The following MRE11 variants were observed in gnomAD, a reference collection of about 807,000 sequenced individuals.
The protein encoded by MRE11 is MRE11 double strand break repair nuclease.
MRE11 carries 62 observed loss-of-function variants against 91.7 expected under a neutral mutation model. The ratio of observed to expected loss-of-function variants is 0.68; its 90% CI spans 0.55 to 0.84. The LOEUF (loss-of-function observed/expected upper bound fraction) is 0.84. MRE11 is among the 40% of genes least tolerant of loss of function. MRE11 has a pLI of 0.00. For missense variants in MRE11, 796 were observed against 852.9 expected (o/e 0.93, Z 0.83); for synonymous variants, 273 against 271.4 (o/e 1.01, Z -0.06).
At chr11:94,461,986 A>G (rs1946431179) in intron 11 of MRE11, among the ~76,000 whole-genome samples, 5 of 152,108 alleles carry the variant, frequency 3.3e-5, no homozygotes, top group Admixed American at 2.6e-4. Flanking sequence ...GAGGCAGGAG[A>G]ATGGCGTGAA....
intron 6 of MRE11, 98 bp downstream of exon 6, chr11:94,478,637 G>C: frequency 7.2e-7 from 1 of 1,381,706 alleles, no homozygotes; most frequent in South Asian, 1.2e-5. Flanking sequence ...AATAAGGTTT[G>C]CCCCATTTTT....
the MRE11 span, among the ~76,000 whole-genome samples, chr11:94,508,510 T>A: frequency 6.6e-6 from 1 of 152,316 alleles, no homozygotes; most frequent in African/African-American, 2.4e-5. Flanking sequence ...ATGCCACTTA[T>A]TAAAAGGAAC....
chr11:94,432,933 C>G (rs949970185), intron 18 of MRE11, among the ~76,000 whole-genome samples: 1 of 152,260 alleles, frequency 6.6e-6, no homozygotes, highest in African/African-American at 2.4e-5. Context: ...CTTTTCACAT[C>G]TAAAGTGGAA....
chr11:94,417,752 T>G lies in MRE11; in HGVS notation c.*2373A>C. On this transcript the variant is annotated 3_prime_UTR_variant, in exon 20 of 20. Coordinates refer to ENST00000323929, the MANE Select transcript of MRE11 (RefSeq NM_005591.4). ...TTCAACCATATGACTTTTCTGTATTTATTGTATTTCCTACTTTTAAAAGTT... is the reference window on the plus strand; with the variant it reads ...TTCAACCATATGACTTTTCTGTATTGATTGTATTTCCTACTTTTAAAAGTT... 4.3e-6 allele frequency: 1 copy of G among 233,120 alleles called. No individual in the cohort carries two copies. The highest frequency in any genetic ancestry group is 6.1e-5 in the East Asian group (1 of 16,518). The allele number at this position is 233,120 out of a possible 1,614,324, so 14.4% of individuals were successfully genotyped here. A position where few individuals can be genotyped will look rare whatever the true frequency, so the allele number is the denominator to read the frequency against.
the MRE11 span, among the ~76,000 whole-genome samples, chr11:94,508,950 C>T: frequency 1.3e-5 from 2 of 151,920 alleles, no homozygotes; most frequent in South Asian, 2.1e-4. Flanking sequence ...TTAGTAGAGA[C>T]GGGGTTTCAC....
At chr11:94,438,868 C>CT (rs1180209945) in intron 16 of MRE11, among the ~76,000 whole-genome samples, 1 of 152,136 alleles carries the variant, frequency 6.6e-6, no homozygotes, top group African/African-American at 2.4e-5. Context: ...GAGGAAGTGT[C>CT]TAGCAGATAG....
chr11:94,509,287 G>T, the MRE11 span, among the ~76,000 whole-genome samples: 1 of 151,376 alleles, frequency 6.6e-6, no homozygotes, highest in Non-Finnish European at 1.5e-5. Context: ...TATTTTTTTG[G>T]CTCTCAATGC....
chr11:94,493,177 A>G (rs930940063), intron 1 of MRE11, among the ~76,000 whole-genome samples: 1 of 152,200 alleles, frequency 6.6e-6, no homozygotes, highest in Non-Finnish European at 1.5e-5. Context: ...AATGTATGCT[A>G]AATAAATGGG....
chr11:94,455,873 C>A (rs35389338), intron 14 of MRE11, among the ~76,000 whole-genome samples: 5,122 of 152,174 alleles, frequency 0.034, 196 homozygotes, highest in African/African-American at 0.091. Flanking sequence ...CACACACATA[C>A]AATTAAATGG....
chr11:94,505,220 A>G, the MRE11 span, among the ~76,000 whole-genome samples: 3 of 152,236 alleles, frequency 2.0e-5, no homozygotes, highest in Non-Finnish European at 4.4e-5. Flanking sequence ...CTTATTAAAA[A>G]AAGTGAACTG....
chr11:94,442,073 G>C (rs565564158), intron 16 of MRE11, among the ~76,000 whole-genome samples: 5 of 151,582 alleles, frequency 3.3e-5, no homozygotes, highest in African/African-American at 1.2e-4. Flanking sequence ...TGTGAGGAGA[G>C]AGTAAAGAGG....
intron 19 of MRE11, among the ~76,000 whole-genome samples, chr11:94,424,551 G>T (rs1357545098): frequency 2.0e-5 from 3 of 152,158 alleles, no homozygotes; most frequent in Non-Finnish European, 4.4e-5. Flanking sequence ...AATCTGGATG[G>T]CAGGGAAGCT....
intron 12 of MRE11, among the ~76,000 whole-genome samples, chr11:94,460,530 G>A (rs1946387267): frequency 6.6e-6 from 1 of 152,154 alleles, no homozygotes; most frequent in South Asian, 2.1e-4. Context: ...TGTTAATAAT[G>A]GTATTCACAA....
chr11:94,464,069 T>A, intron 11 of MRE11, 44 bp downstream of exon 11: 2 of 1,590,548 alleles, frequency 1.3e-6, no homozygotes, highest in Non-Finnish European at 1.7e-6. Context: ...CCTTCACAAA[T>A]CCTATAAGAA....
chr11:94,483,246 G>A (rs573499890), intron 4 of MRE11, among the ~76,000 whole-genome samples: 4 of 152,278 alleles, frequency 2.6e-5, no homozygotes, highest in East Asian at 3.9e-4. Flanking sequence ...GCTAAGGCAG[G>A]AGGATTGCTT....
At position 94,464,176 on chromosome 11, in the gene MRE11, G is replaced by A. The variant is rs375223186; in HGVS notation, c.1162C>T (p.Arg388Trp). Residue 388 changes from arginine to tryptophan, a missense_variant, in exon 11 of 20, where the codon CGG (arginine) becomes TGG (tryptophan). Physicochemically the swap from Arg to Trp is moderately radical, Grantham distance 101 (BLOSUM62 -3). Transcript: ENST00000323929. ...ATAATGTCTTTTGGATTAGCTACCC[G>A]ATCCACAAATTTCTGGCTAAAGCGA... ...VLRFSQKFVD[R>W]VANPKDIIHF... 2.9e-5 allele frequency: 46 copies of A among 1,613,616 alleles called. No homozygotes were observed. The highest frequency in any genetic ancestry group is 1.6e-4 in the Middle Eastern group (1 of 6,072).
At position 94,416,670 on chromosome 11, in the gene MRE11, C is replaced by T. The variant is rs1302163388; in HGVS notation, c.*3455G>A. On this transcript the variant is annotated 3_prime_UTR_variant, in exon 20 of 20. Coordinates refer to ENST00000323929, the MANE Select transcript of MRE11 (RefSeq NM_005591.4). ...ACCATCCTGGCTAACACAGAAAAAC[C>T]CTGTCTCTACTAAAAATACAAAAAA... 1.4e-5 allele frequency: 2 copies of T among 147,896 alleles called. No homozygotes were observed. The highest frequency in any genetic ancestry group is 3.0e-5 in the Non-Finnish European group (2 of 67,178). The allele number at this position is 147,896 out of a possible 1,614,324, so 9.2% of individuals were successfully genotyped here. A position where few individuals can be genotyped will look rare whatever the true frequency, so the allele number is the denominator to read the frequency against.
rs758976088 is a variant in MRE11, at chr11:94,471,596, A to T, written c.823T>A (p.Ser275Thr). 6.2e-7 allele frequency: 1 copy of T among 1,612,580 alleles called. No individual in the cohort carries two copies. The highest frequency in any genetic ancestry group is 1.1e-5 in the South Asian group (1 of 91,034). ...QPGSSVVTSL[S>T]PGEAVKKHVG... ...CACTTCTTTACAGCTTCTCCTGGGG[A>T]AAGAGAAGTAACCACTGAGCTTCCA... Residue 275 changes from serine to threonine, a missense_variant, in exon 8 of 20, where the codon TCC becomes ACC. Ser to Thr is a moderately conservative substitution (Grantham distance 58). Transcript: ENST00000323929.
At position 94,417,405 on chromosome 11, in the gene MRE11, G is replaced by A. The variant is rs529941567; in HGVS notation, c.*2720C>T. 16 of 232,158 alleles carry A rather than the reference G, an allele frequency of 6.9e-5. No homozygotes were observed. Among genetic ancestry groups the A allele is most frequent in the Admixed American group, 2.8e-4 (5 of 17,748 alleles). The allele number at this position is 232,158 out of a possible 1,614,324, so 14.4% of individuals were successfully genotyped here. On this transcript the variant is annotated 3_prime_UTR_variant, in exon 20 of 20. Coordinates refer to ENST00000323929, the MANE Select transcript of MRE11 (RefSeq NM_005591.4). ...AAGCTGGTAAATTCCATAACAGGCT[G>A]AACCAAATGAAATACCTAAGTAAAG...
Sources: gnomAD v4.1 joint callset for allele counts (sites outside exome capture counted in the v4.1 genomes callset) on GRCh38, gnomAD v4.1.1 for gene constraint, MANE v1.5 for transcripts, NCBI Gene and HGNC (gene_info 2026-07-23, HGNC 2026-07-21) for gene names.